The following RORA variants were observed in gnomAD, a reference collection of about 807,000 sequenced individuals.
RORA encodes RAR related orphan receptor A.
In RORA, 7 loss-of-function variants were observed where a neutral mutation model predicts 69.5. That is an observed-to-expected ratio of 0.10 (90% CI 0.06 to 0.19). The LOEUF (loss-of-function observed/expected upper bound fraction) is 0.19. Among genes scored for constraint, RORA ranks in the 10% least tolerant of loss-of-function variants. The pLI, the probability that RORA is intolerant of heterozygous loss-of-function variation, is 1.00. For synonymous variants in RORA, 261 were observed against 240.8 expected (o/e 1.08, Z -0.78); for missense variants, 457 against 663.0 (o/e 0.69, Z 3.41).
intron 1 of RORA, among the ~76,000 whole-genome samples, chr15:61,210,846 C>G (rs989313887): frequency 1.6e-4 from 24 of 152,216 alleles, no homozygotes; most frequent in Middle Eastern, 3.2e-3. Context: ...AGGACCCTTT[C>G]AAACAATGCA....
At chr15:60,579,643 C>T (rs190750508) in intron 2 of RORA, among the ~76,000 whole-genome samples, 1 of 152,206 alleles carries the variant, frequency 6.6e-6, no homozygotes, top group East Asian at 1.9e-4. Flanking sequence ...GCTCAGTGCC[C>T]CCTCCATCTC....
At chr15:61,067,988 C>T (rs2078288790) in intron 1 of RORA, among the ~76,000 whole-genome samples, 1 of 152,178 alleles carries the variant, frequency 6.6e-6, no homozygotes, top group Non-Finnish European at 1.5e-5. Context: ...TGCTTTTGGT[C>T]TTTGATTCCA....
intron 1 of RORA, among the ~76,000 whole-genome samples, chr15:60,751,594 TGA>T (rs2071724293): frequency 6.6e-6 from 1 of 152,158 alleles, no homozygotes; most frequent in Admixed American, 6.5e-5. Flanking sequence ...CCTGGGCAGC[TGA>T]GTGGTAGTGC....
At chr15:60,732,097 A>G (rs993933994) in intron 1 of RORA, among the ~76,000 whole-genome samples, 2 of 152,232 alleles carry the variant, frequency 1.3e-5, no homozygotes, top group Non-Finnish European at 2.9e-5. Context: ...TGCTGGGTAC[A>G]CAGAGTTTTC....
chr15:60,694,425 C>T (rs1012851732), intron 1 of RORA, among the ~76,000 whole-genome samples: 2 of 152,164 alleles, frequency 1.3e-5, no homozygotes, highest in South Asian at 2.1e-4. Context: ...TGCCTTGCAG[C>T]GTTAACTCTT....
chr15:61,000,456 G>A (rs907179128), intron 1 of RORA, among the ~76,000 whole-genome samples: 1 of 152,192 alleles, frequency 6.6e-6, no homozygotes, highest in Non-Finnish European at 1.5e-5. Context: ...ACACACTGGT[G>A]AGTGAAGGGA....
At chr15:60,838,879 CACACACACAT>C (rs772673711) in intron 1 of RORA, among the ~76,000 whole-genome samples, 899 of 72,440 alleles carry the variant, frequency 0.012, 10 homozygotes, top group Admixed American at 0.022. Context: ...CACACACACA[CACACACACAT>C]ATACTTTTTT....
intron 4 of RORA, among the ~76,000 whole-genome samples, chr15:60,512,412 A>G (rs1159132810): frequency 3.3e-5 from 5 of 152,030 alleles, no homozygotes; most frequent in Non-Finnish European, 7.4e-5. Context: ...TTGGCCTCCT[A>G]CGTAGCTGGG....
intron 2 of RORA, among the ~76,000 whole-genome samples, chr15:60,643,138 C>T (rs928332834): frequency 6.6e-6 from 1 of 152,140 alleles, no homozygotes; most frequent in African/African-American, 2.4e-5. Context: ...TCAGCCTGGG[C>T]GACAGAGCGA....
intron 1 of RORA, among the ~76,000 whole-genome samples, chr15:61,121,512 C>G (rs528189864): frequency 1.3e-5 from 2 of 152,228 alleles, no homozygotes; most frequent in East Asian, 3.9e-4. Context: ...CCCTTGAAAC[C>G]CTTAGCTACT....
In RORA at chr15:60,511,975, T is replaced by G. The variant is rs1353748219; in HGVS notation, c.425-354A>C. The G allele has an allele frequency of 1.8e-5, 4 of 224,392 alleles. No individual in the cohort carries two copies. The highest frequency in any genetic ancestry group is 2.7e-5 in the Non-Finnish European group (3 of 112,700). 13.9% of individuals were successfully genotyped at this position (224,392 alleles called of 1,614,324 possible). Reference sequence around the variant, plus strand: ...TTCACTCTCCCCCCGTGCAGCTGGCTTAGGCTACCTCTTTCTCTCCCACGT... The same window carrying G: ...TTCACTCTCCCCCCGTGCAGCTGGCGTAGGCTACCTCTTTCTCTCCCACGT... On this transcript the variant is annotated intron_variant, in intron 4 of 10. Transcript: ENST00000335670. This position sits in a 1 kb window ranked among gnomAD's most constrained non-coding sequence, Gnocchi z 6.4.
At position 60,926,421 on chromosome 15, in the gene RORA, TG is replaced by T; in HGVS notation, c.167-247736del. Among the ~76,000 whole-genome samples the T allele has an allele frequency of 2.0e-5, 3 of 152,310 alleles. No homozygotes were observed. In the South Asian group the frequency reaches 6.2e-4, roughly 32 times the overall value. On this transcript the variant is annotated intron_variant, in intron 1 of 10. Coordinates refer to ENST00000335670, the MANE Select transcript of RORA (RefSeq NM_134261.3). The stretch of plus-strand genomic sequence containing the variant: ...CAGCAGTACTTGGAGACCGAGTCAC[TG>T]GGTAGATTATAGAGTTATCCCAGCC...
At chr15:61,082,261 G>A (rs1326518801) in intron 1 of RORA, among the ~76,000 whole-genome samples, 1 of 152,174 alleles carries the variant, frequency 6.6e-6, no homozygotes, top group Non-Finnish European at 1.5e-5. Context: ...GGCCGCGGCG[G>A]GCGAATCACC....
intron 1 of RORA, among the ~76,000 whole-genome samples, chr15:60,838,885 CACAT>C (rs67558102): frequency 0.046 from 2,418 of 52,804 alleles, 38 homozygotes; most frequent in Middle Eastern, 0.14. Flanking sequence ...CACACACACA[CACAT>C]ATACTTTTTT....
chr15:60,562,439 G>GT (rs1022981751), intron 2 of RORA, among the ~76,000 whole-genome samples: 13 of 145,876 alleles, frequency 8.9e-5, no homozygotes, highest in African/African-American at 3.3e-4. Flanking sequence ...GTTGGGGGGG[G>GT]GTTGCTTTTG....
intron 2 of RORA, among the ~76,000 whole-genome samples, chr15:60,564,383 C>T (rs903683856): frequency 6.6e-6 from 1 of 152,152 alleles, no homozygotes; most frequent in Non-Finnish European, 1.5e-5. Flanking sequence ...TTTATCTTAA[C>T]ATAATGCTCT....
intron 1 of RORA, among the ~76,000 whole-genome samples, chr15:61,137,969 G>C (rs756394292): frequency 7.2e-4 from 110 of 152,250 alleles, no homozygotes; most frequent in South Asian, 5.6e-3. Context: ...ACTTACCCTG[G>C]AAAGAGACAT....
intron 1 of RORA, among the ~76,000 whole-genome samples, chr15:60,934,311 C>T (rs1892457137): frequency 6.6e-6 from 1 of 152,158 alleles, no homozygotes; most frequent in African/African-American, 2.4e-5. Context: ...TTCTCTTTTC[C>T]ACTTTCCTTC....
chr15:60,765,059 T>C (rs1044869135), intron 1 of RORA: 3 of 152,004 alleles, frequency 2.0e-5, no homozygotes, highest in African/African-American at 4.8e-5. Context: ...AGTTTCAACA[T>C]GGATGACAAA....
Sources: allele counts gnomAD v4.1 joint callset (sites outside exome capture counted in the v4.1 genomes callset), GRCh38; gene constraint gnomAD v4.1.1; non-coding constraint Gnocchi (gnomAD v3.1); transcripts MANE v1.5; gene names NCBI Gene and HGNC (gene_info 2026-07-23, HGNC 2026-07-21).